Variants in CFDP1 observed in about 807,000 individuals in gnomAD.
CFDP1 encodes heterochromatin-stabilizing protein CFDP1.
A neutral mutation model predicts 40.1 loss-of-function variants in CFDP1; 31 were observed. The observed-to-expected ratio is 0.77, with a 90% CI of 0.58 to 1.04. The LOEUF is 1.04. CFDP1 is among the 50% of genes least tolerant of loss of function. The pLI is 0.00. For missense variants in CFDP1, 423 were observed against 343.4 expected (o/e 1.23, Z -1.83); for synonymous variants, 167 against 120.0 (o/e 1.39, Z -2.56).
chr16:75,307,590 ACT>A (rs1326839146), intron 5 of CFDP1, among the ~76,000 whole-genome samples: 2 of 151,946 alleles, frequency 1.3e-5, no homozygotes. Context: ...ACAGGTTCTC[ACT>A]CTGTTACCCA....
At chr16:75,349,846 T>A (rs1314080227) in intron 5 of CFDP1, among the ~76,000 whole-genome samples, 1 of 151,320 alleles carries the variant, frequency 6.6e-6, no homozygotes, top group African/African-American at 2.4e-5. Flanking sequence ...TTCAACTCCT[T>A]TCTCTCCAAT....
intron 5 of CFDP1, among the ~76,000 whole-genome samples, chr16:75,309,297 A>G (rs2078277836): frequency 1.3e-5 from 2 of 152,258 alleles, no homozygotes; most frequent in African/African-American, 4.8e-5. Flanking sequence ...ACAAAGGTAC[A>G]TGAACCAGGC....
chr16:75,369,892 G>A (rs2078739665), intron 5 of CFDP1, among the ~76,000 whole-genome samples: 1 of 151,572 alleles, frequency 6.6e-6, no homozygotes, highest in Non-Finnish European at 1.5e-5. Context: ...CCCAGTGGCT[G>A]GAACTACAGG....
At chr16:75,295,461 T>A (rs1451401491) in intron 6 of CFDP1, among the ~76,000 whole-genome samples, 1 of 152,220 alleles carries the variant, frequency 6.6e-6, no homozygotes, top group African/African-American at 2.4e-5. Context: ...TAAAATAGTG[T>A]CTACATCACA....
chr16:75,361,552 G>A (rs2078679367), intron 5 of CFDP1, among the ~76,000 whole-genome samples: 2 of 152,094 alleles, frequency 1.3e-5, no homozygotes, highest in Non-Finnish European at 2.9e-5. Flanking sequence ...GGGAGGCGGA[G>A]GTTGCTGTGA....
intron 5 of CFDP1, among the ~76,000 whole-genome samples, chr16:75,317,031 G>C (rs2078327909): frequency 2.0e-5 from 3 of 152,088 alleles, no homozygotes; most frequent in Admixed American, 2.0e-4. Context: ...AAAAGTAAAA[G>C]AGCAGTTAAC....
chr16:75,383,973 A>G (rs890786117), intron 5 of CFDP1, among the ~76,000 whole-genome samples: 4 of 152,334 alleles, frequency 2.6e-5, no homozygotes, highest in African/African-American at 7.2e-5. Flanking sequence ...TACAGGTAAT[A>G]TGCAAACCTT....
At chr16:75,327,698 C>T (rs1269441058) in intron 5 of CFDP1, among the ~76,000 whole-genome samples, 1 of 152,026 alleles carries the variant, frequency 6.6e-6, no homozygotes, top group Non-Finnish European at 1.5e-5. Flanking sequence ...GTGAACAATA[C>T]TGGATAATCA....
At chr16:75,366,074 G>A (rs554131506) in intron 5 of CFDP1, among the ~76,000 whole-genome samples, 2 of 152,106 alleles carry the variant, frequency 1.3e-5, no homozygotes, top group Non-Finnish European at 2.9e-5. Flanking sequence ...ATAAAGACCT[G>A]TACACAAAAT....
chr16:75,400,036 G>C (rs984819561), intron 4 of CFDP1, among the ~76,000 whole-genome samples: 1 of 150,696 alleles, frequency 6.6e-6, no homozygotes, highest in African/African-American at 2.4e-5. Context: ...AGGAGGTGGA[G>C]GTTGCGGTGA....
chr16:75,395,254 G>C, intron 4 of CFDP1, 45 bp from the exon 5 acceptor site: 1 of 1,598,798 alleles, frequency 6.3e-7, no homozygotes, highest in Non-Finnish European at 8.5e-7. Context: ...AGAATAAAGA[G>C]AAAGAAACAA....
At chr16:75,294,183 AACCACTC>A in intron 6 of CFDP1, 141 bp from the exon 7 acceptor site, 1 of 608,880 alleles carries the variant, frequency 1.6e-6, no homozygotes, top group South Asian at 2.1e-5. Context: ...GTACAATCCA[AACCACTC>A]ACATTTGGTC....
chr16:75,306,742 A>G lies in CFDP1; in HGVS notation c.651-1560T>C, dbSNP rs139965699. 4.2e-3 allele frequency among the ~76,000 whole-genome samples: 634 copies of G among 152,156 alleles called. 5 individuals are homozygous for G. Among genetic ancestry groups the G allele is most frequent in the African/African-American group, 0.014 (561 of 41,504 alleles). ...CTCCAGATGAGAAGTGACTTGAGAG[A>G]TTTTCTCATTAGTTACTTTACTTCC... On this transcript the variant is annotated intron_variant, in intron 5 of 6. Coordinates refer to ENST00000283882, the MANE Select transcript of CFDP1 (RefSeq NM_006324.3).
chr16:75,349,671 A>T (rs1402793187), intron 5 of CFDP1, among the ~76,000 whole-genome samples: 2 of 60,740 alleles, frequency 3.3e-5, no homozygotes. Context: ...AAAAAAAAAA[A>T]AAAAAAAAAA....
At position 75,411,935 on chromosome 16, in the gene CFDP1, T is replaced by C. The variant is rs756760102; in HGVS notation, c.420A>G (p.Glu140=). Residue 140 remains glutamate, a synonymous_variant, in exon 4 of 7, where the codon GAA becomes GAG. Coordinates refer to ENST00000283882, the MANE Select transcript of CFDP1 (RefSeq NM_006324.3). Reference sequence around the variant, plus strand: ...CCAACAATTTACTTGAACTTGTCTCTTCAGTCTCCTCTCCTTTCTATAAAA... The same window carrying C: ...CCAACAATTTACTTGAACTTGTCTCCTCAGTCTCCTCTCCTTTCTATAAAA... The part of the protein sequence containing the change: ...STQVKKGEET[E]ETSSSKLLVK... The C allele has an allele frequency of 6.2e-7, 1 of 1,608,346 alleles. No homozygotes were observed. The highest frequency in any genetic ancestry group is 8.5e-7 in the Non-Finnish European group (1 of 1,178,814).
intron 1 of CFDP1, among the ~76,000 whole-genome samples, 157 bp downstream of exon 1, chr16:75,433,132 C>T (rs2079444842): frequency 6.6e-6 from 1 of 152,134 alleles, no homozygotes. Context: ...CGGGCCGGAG[C>T]GGCCGAGGAT....
intron 5 of CFDP1, among the ~76,000 whole-genome samples, chr16:75,349,508 C>CA (rs1567653382): frequency 2.1e-5 from 3 of 144,792 alleles, no homozygotes; most frequent in Non-Finnish European, 3.0e-5. Flanking sequence ...GACTCTGTCT[C>CA]AAAAAAAGAA....
intron 5 of CFDP1, 110 bp from the exon 6 acceptor site, chr16:75,305,292 G>T: frequency 9.3e-7 from 1 of 1,072,520 alleles, no homozygotes; most frequent in Non-Finnish European, 1.3e-6. Flanking sequence ...TTATCTTAGT[G>T]GAAGCCATGT....
At chr16:75,376,357 A>C (rs2078796491) in intron 5 of CFDP1, among the ~76,000 whole-genome samples, 3 of 152,246 alleles carry the variant, frequency 2.0e-5, no homozygotes, top group Non-Finnish European at 4.4e-5. Flanking sequence ...TACGTTTATC[A>C]GCAGGATAGA....
Sources: gnomAD v4.1 joint callset for allele counts (sites outside exome capture counted in the v4.1 genomes callset) on GRCh38, gnomAD v4.1.1 for gene constraint, MANE v1.5 for transcripts, NCBI Gene and HGNC (gene_info 2026-07-23, HGNC 2026-07-21) for gene names.